Variants in MTNR1A observed in about 807,000 individuals in gnomAD.
MTNR1A encodes melatonin receptor type 1A.
Under a neutral mutation model 5.5 loss-of-function variants are expected in MTNR1A, and 7 were observed. That is an observed-to-expected ratio of 1.28 (90% confidence interval 0.73 to 2.40). MTNR1A has a LOEUF of 2.40. MTNR1A is among the 30% of genes most tolerant of loss of function. The pLI, the probability that MTNR1A is intolerant of heterozygous loss-of-function variation, is 0.00. For synonymous variants in MTNR1A, 196 were observed against 202.7 expected (o/e 0.97, Z 0.28); for missense variants, 441 against 464.4 (o/e 0.95, Z 0.46).
rs772292314 is a variant in MTNR1A at position 186,534,443 on chromosome 4, C to G, written c.299G>C (p.Cys100Ser). 3.1e-6 allele frequency: 5 copies of G among 1,614,026 alleles called. No homozygotes were observed. The African/African-American group carries it at 6.7e-5, about 22-fold the overall frequency. ...GCCCATCAGGAACCCACTGACTTGGCAGTGCAGATAGCCCAGGTTCCACCC... is the reference window on the plus strand; with the variant it reads ...GCCCATCAGGAACCCACTGACTTGGGAGTGCAGATAGCCCAGGTTCCACCC... ...NNGWNLGYLH[C>S]QVSGFLMGLS... is the part of the protein sequence containing the mutation. Residue 100 changes from cysteine to serine, a missense_variant, in exon 2 of 2, where the codon TGC becomes TCC. Coordinates refer to ENST00000307161, the MANE Select transcript of MTNR1A (RefSeq NM_005958.4).
At position 186,547,119 on chromosome 4, in the gene MTNR1A, G is replaced by A. The variant is rs1349639424; in HGVS notation, c.184+8063C>T. 1.4e-4 allele frequency among the ~76,000 whole-genome samples: 2 copies of A among 14,434 alleles called. 1 individual carries two copies. Among genetic ancestry groups the A allele is most frequent in the South Asian group, 6.1e-3 (2 of 328 alleles). 9.5% of individuals were successfully genotyped at this position (14,434 alleles called of 152,430 possible). The stretch of plus-strand genomic sequence containing the variant: ...TCACACCCTGTTCCTGGGACACACC[G>A]TCCTCACACCCTGTTCCTGGGACAC... On this transcript the variant is annotated intron_variant, in intron 1 of 1. Transcript: ENST00000307161.
Position 186,534,121 on chromosome 4 carries a change from G to A in MTNR1A, c.621C>T (p.Tyr207=), listed in dbSNP as rs112305851. The A allele has an allele frequency of 1.4e-5, 22 of 1,613,966 alleles. No individual in the cohort carries two copies. In the African/African-American group the frequency reaches 2.4e-4, roughly 18 times the overall value. ...LVPMIIVIFC[Y]LRIWILVLQV... is the part of the protein sequence containing the mutation. Reference sequence around the variant, plus strand: ...GGAGAACCAGGATCCATATTCTCAGGTAACAGAAGATGACTATGATCATGG... The same window carrying A: ...GGAGAACCAGGATCCATATTCTCAGATAACAGAAGATGACTATGATCATGG... Residue 207 remains tyrosine (Y), a synonymous_variant, in exon 2 of 2, where the codon TAC becomes TAT. Coordinates refer to ENST00000307161, the MANE Select transcript of MTNR1A (RefSeq NM_005958.4).
rs369705486 is a variant in MTNR1A, at chr4:186,549,119, C to A, written c.184+6063G>T. Among the ~76,000 whole-genome samples, 9 of 151,826 alleles carry A rather than the reference C, an allele frequency of 5.9e-5. No homozygotes were observed. In the South Asian group the frequency reaches 1.9e-3, roughly 32 times the overall value. On this transcript the variant is annotated intron_variant, in intron 1 of 1. Coordinates refer to ENST00000307161, the MANE Select transcript of MTNR1A (RefSeq NM_005958.4). ...ATTTTCTCTTGAAACAAAATCGTGT[C>A]CTAAGCTCCTATAGATGGATATAGG... is the stretch of plus-strand genomic sequence containing the variant.
intron 1 of MTNR1A, among the ~76,000 whole-genome samples, chr4:186,551,549 G>A (rs540838882): frequency 6.6e-6 from 1 of 152,194 alleles, no homozygotes; most frequent in South Asian, 2.1e-4. Context: ...GTAGGTGGAT[G>A]GATGGATAGA....
chr4:186,539,970 C>A (rs1736972888), intron 1 of MTNR1A, among the ~76,000 whole-genome samples: 1 of 152,126 alleles, frequency 6.6e-6, no homozygotes, highest in African/African-American at 2.4e-5. Context: ...TGGGCAATTA[C>A]AAAAGAAAGA....
chr4:186,550,200 G>T (rs1215105841), intron 1 of MTNR1A, among the ~76,000 whole-genome samples: 1 of 152,138 alleles, frequency 6.6e-6, no homozygotes, highest in Non-Finnish European at 1.5e-5. Context: ...ATTTGAGAGG[G>T]GCAGAAGTGA....
chr4:186,551,721 A>C (rs1737270316), intron 1 of MTNR1A, among the ~76,000 whole-genome samples: 1 of 152,144 alleles, frequency 6.6e-6, no homozygotes, highest in East Asian at 1.9e-4. Context: ...GGTACATCCG[A>C]GACTTGAACC....
At position 186,555,173 on chromosome 4, in the gene MTNR1A, G is replaced by A. The variant is rs1463186595; in HGVS notation, c.184+9C>T. The A allele has an allele frequency of 6.3e-6, 10 of 1,587,794 alleles. No individual in the cohort carries two copies. The highest frequency in any genetic ancestry group is 1.1e-5 in the South Asian group (1 of 87,234). On this transcript the variant is annotated intron_variant, in intron 1 of 1. Transcript: ENST00000307161. This position sits in a 1 kb window ranked among gnomAD's most constrained non-coding sequence, Gnocchi z 4.1. Reference sequence around the variant, plus strand: ...AGCGCTGGCCCAGGGGAGGCGGCGCGGGCCCTACCTGCGTTCCTGAGCTTC... The same window carrying A: ...AGCGCTGGCCCAGGGGAGGCGGCGCAGGCCCTACCTGCGTTCCTGAGCTTC...
chr4:186,536,844 C>T (rs1040784815), intron 1 of MTNR1A, among the ~76,000 whole-genome samples: 1 of 152,048 alleles, frequency 6.6e-6, no homozygotes, highest in Non-Finnish European at 1.5e-5. Context: ...ATTTAAATTC[C>T]TAAGAGGTGT....
chr4:186,544,952 C>T (rs956822176), intron 1 of MTNR1A, among the ~76,000 whole-genome samples: 9 of 152,148 alleles, frequency 5.9e-5, no homozygotes, highest in Non-Finnish European at 1.0e-4. Context: ...GTCCCTTTGC[C>T]TCAAGTAATG....
At chr4:186,539,213 T>TAA (rs59170135) in intron 1 of MTNR1A, among the ~76,000 whole-genome samples, 4,510 of 115,584 alleles carry the variant, frequency 0.039, 126 homozygotes, top group South Asian at 0.044. Context: ...AAGACTCCAT[T>TAA]AAAAAAAAAA....
chr4:186,555,104 T>G lies in MTNR1A; in HGVS notation c.184+78A>C. The G allele has an allele frequency of 1.4e-6, 2 of 1,431,772 alleles. No individual in the cohort carries two copies. The highest frequency in any genetic ancestry group is 1.9e-6 in the Non-Finnish European group (2 of 1,039,966). The allele number at this position is 1,431,772 out of a possible 1,614,324, so 88.7% of individuals were successfully genotyped here. On this transcript the variant is annotated intron_variant, in intron 1 of 1. Coordinates refer to ENST00000307161, the MANE Select transcript of MTNR1A (RefSeq NM_005958.4). This position sits in a 1 kb window ranked among gnomAD's most constrained non-coding sequence, Gnocchi z 4.1. Reference sequence around the variant, plus strand: ...GCAGTGTTTAGGAAAAAGAACCAAGTGCTTGGGGAAGGCTGGCTGCCCGCG... The same window carrying G: ...GCAGTGTTTAGGAAAAAGAACCAAGGGCTTGGGGAAGGCTGGCTGCCCGCG...
intron 1 of MTNR1A, among the ~76,000 whole-genome samples, chr4:186,537,325 A>C (rs1033820201): frequency 6.6e-6 from 1 of 152,186 alleles, no homozygotes; most frequent in Admixed American, 6.5e-5. Flanking sequence ...ACTTCACCAG[A>C]TAAGAGTCAT....
At chr4:186,544,758 G>A (rs1429734529) in intron 1 of MTNR1A, among the ~76,000 whole-genome samples, 1 of 152,162 alleles carries the variant, frequency 6.6e-6, no homozygotes, top group Non-Finnish European at 1.5e-5. Context: ...ACCACAGCAA[G>A]CCTGGGCTCC....
chr4:186,549,913 C>T (rs1235152098), intron 1 of MTNR1A, among the ~76,000 whole-genome samples: 1 of 152,154 alleles, frequency 6.6e-6, no homozygotes, highest in African/African-American at 2.4e-5. Flanking sequence ...CAAGTGAGCA[C>T]GCTTTTAAAC....
intron 1 of MTNR1A, among the ~76,000 whole-genome samples, chr4:186,543,233 A>G (rs545108011): frequency 2.6e-5 from 4 of 152,350 alleles, no homozygotes; most frequent in African/African-American, 9.6e-5. Context: ...AAACTGGGTT[A>G]TGATTGCACA....
At chr4:186,535,922 G>A (rs1736839170) in intron 1 of MTNR1A, among the ~76,000 whole-genome samples, 1 of 151,936 alleles carries the variant, frequency 6.6e-6, no homozygotes, top group Non-Finnish European at 1.5e-5. Flanking sequence ...TCCTTTGAAG[G>A]GTCTTAAAGC....
At chr4:186,538,345 A>G (rs1270988630) in intron 1 of MTNR1A, among the ~76,000 whole-genome samples, 1 of 152,228 alleles carries the variant, frequency 6.6e-6, no homozygotes, top group Non-Finnish European at 1.5e-5. Flanking sequence ...TGTTCCCCAC[A>G]AGAGGCAATT....
chr4:186,555,163 G>C lies in MTNR1A; in HGVS notation c.184+19C>G. 1 of 1,584,522 alleles carries C rather than the reference G, an allele frequency of 6.3e-7. No individual in the cohort carries two copies. The highest frequency in any genetic ancestry group is 8.6e-7 in the Non-Finnish European group (1 of 1,166,000). On this transcript the variant is annotated intron_variant, in intron 1 of 1. Transcript: ENST00000307161. The surrounding 1 kb of genome is among the most constrained non-coding windows in gnomAD (Gnocchi z 4.1). Reference sequence around the variant, plus strand: ...CTGCGTCCGGAGCGCTGGCCCAGGGGAGGCGGCGCGGGCCCTACCTGCGTT... The same window carrying C: ...CTGCGTCCGGAGCGCTGGCCCAGGGCAGGCGGCGCGGGCCCTACCTGCGTT...
Sources: allele counts gnomAD v4.1 joint callset (sites outside exome capture counted in the v4.1 genomes callset), GRCh38; gene constraint gnomAD v4.1.1; non-coding constraint Gnocchi (gnomAD v3.1); transcripts MANE v1.5; gene names NCBI Gene and HGNC (gene_info 2026-07-23, HGNC 2026-07-21).